Variants in MSRB3 observed in about 807,000 individuals in gnomAD.
The protein encoded by MSRB3 is methionine sulfoxide reductase B3.
Under a neutral mutation model 21.0 loss-of-function variants are expected in MSRB3, and 13 were observed. The observed-to-expected ratio is 0.62, with a 90% CI of 0.40 to 0.98. MSRB3 has a LOEUF of 0.98. Ranked by LOEUF, MSRB3 falls within the 50% of genes least tolerant of loss-of-function variation. The probability of loss-of-function intolerance (pLI) is 0.00; values close to 1 mark genes in which losing one functional copy is unlikely to be tolerated. For synonymous variants in MSRB3, 87 were observed against 88.6 expected (o/e 0.98, Z 0.10); for missense variants, 199 against 230.3 (o/e 0.86, Z 0.88).
intron 4 of MSRB3, among the ~76,000 whole-genome samples, chr12:65,366,875 T>C (rs1878043597): frequency 6.6e-6 from 1 of 152,004 alleles, no homozygotes; most frequent in Non-Finnish European, 1.5e-5. Context: ...ACTCCTGCGG[T>C]GATTTTGAGA....
In MSRB3 at chr12:65,410,518, C is replaced by T. The variant is rs528852860; in HGVS notation, c.292+41492C>T. Among the ~76,000 whole-genome samples, 7 of 152,104 alleles carry T rather than the reference C, an allele frequency of 4.6e-5. No individual in the cohort carries two copies. In the South Asian group the frequency reaches 1.5e-3, roughly 32 times the overall value. On this transcript the variant is annotated intron_variant, in intron 5 of 6. Transcript: ENST00000308259. ...AATTAGCTGAGTGTCGTGGCATGCACCTATAGTCACAGCTACTTGGGGGGC... is the reference window on the plus strand; with the variant it reads ...AATTAGCTGAGTGTCGTGGCATGCATCTATAGTCACAGCTACTTGGGGGGC...
intron 5 of MSRB3, among the ~76,000 whole-genome samples, chr12:65,371,142 A>G (rs374876168): frequency 1.3e-4 from 20 of 152,250 alleles, no homozygotes; most frequent in African/African-American, 4.8e-4. Flanking sequence ...CCTGGCTAAC[A>G]TGGTGAAACC....
intron 5 of MSRB3, among the ~76,000 whole-genome samples, chr12:65,381,644 G>T (rs1452292075): frequency 6.6e-6 from 1 of 151,666 alleles, no homozygotes; most frequent in Non-Finnish European, 1.5e-5. Flanking sequence ...ATTTTTCTTC[G>T]AGTCTTTTGT....
At chr12:65,433,848 C>T (rs1881996717) in intron 5 of MSRB3, among the ~76,000 whole-genome samples, 1 of 151,900 alleles carries the variant, frequency 6.6e-6, no homozygotes, top group South Asian at 2.1e-4. Context: ...AAGAGACGAC[C>T]CATTCCACTT....
At chr12:65,358,855 T>C (rs182326555) in intron 4 of MSRB3, among the ~76,000 whole-genome samples, 14 of 152,112 alleles carry the variant, frequency 9.2e-5, no homozygotes, top group Non-Finnish European at 5.9e-5. Context: ...CAATGGTGTT[T>C]AAAGTTGTGG....
At chr12:65,396,705 AAAGAAAGAAAGAAAG>A (rs1879821811) in intron 5 of MSRB3, among the ~76,000 whole-genome samples, 1 of 12,188 alleles carries the variant, frequency 8.2e-5, no homozygotes, top group Non-Finnish European at 2.0e-4. Flanking sequence ...AAAAAAAAAA[AAAGAAAGAAAGAAAG>A]AAAGAAAGAA....
rs759083016 is a variant in MSRB3 at position 65,328,576 on chromosome 12, G to A, written c.236G>A (p.Cys79Tyr). 7 of 1,612,350 alleles carry A rather than the reference G, an allele frequency of 4.3e-6. No individual in the cohort carries two copies. The East Asian group carries it at 1.1e-4, about 26-fold the overall frequency. Residue 79 changes from cysteine to tyrosine, a missense_variant, in exon 4 of 7, where the codon TGT becomes TAT. Cys to Tyr is a radical substitution (Grantham distance 194, BLOSUM62 -2). Coordinates refer to ENST00000308259, the MANE Select transcript of MSRB3 (RefSeq NM_001031679.3). ...THHKDPGIYK[C>Y]VVCGTPLFKS... ...CACAAAGATCCTGGAATATATAAAT[G>A]TGTTGTTTGTGGAACTCCATTGTTT... is the stretch of plus-strand genomic sequence containing the variant.
At chr12:65,312,473 A>T (rs902491187) in intron 2 of MSRB3, among the ~76,000 whole-genome samples, 5 of 152,098 alleles carry the variant, frequency 3.3e-5, no homozygotes, top group Admixed American at 6.5e-5. Context: ...ATATCATGAT[A>T]GCTTTCAGCC....
chr12:65,419,093 T>C (rs1881136532), intron 5 of MSRB3: 2 of 693,082 alleles, frequency 2.9e-6, no homozygotes, highest in Non-Finnish European at 5.3e-6. Flanking sequence ...TCCAGGTCAG[T>C]CTCCGAGGAC....
At position 65,419,197 on chromosome 12, in the gene MSRB3, A is replaced by T; in HGVS notation, c.293-34531A>T. On this transcript the variant is annotated intron_variant, in intron 5 of 6. Coordinates refer to ENST00000308259, the MANE Select transcript of MSRB3 (RefSeq NM_001031679.3). ...GGTGACCACTGTGGTACTCTCCTTA[A>T]TCTGCTGAGACCAGTATTTGTCCAG... The T allele has an allele frequency of 8.5e-6, 6 of 706,330 alleles. No individual in the cohort carries two copies. The South Asian group carries it at 9.0e-5, about 11-fold the overall frequency. 43.8% of individuals were successfully genotyped at this position (706,330 alleles called of 1,614,324 possible). A position where few individuals can be genotyped will look rare whatever the true frequency, so the allele number is the denominator to read the frequency against.
Position 65,341,823 on chromosome 12 carries a change from G to A in MSRB3, c.263+13220G>A, listed in dbSNP as rs146574720. On this transcript the variant is annotated intron_variant, in intron 4 of 6. Coordinates refer to ENST00000308259, the MANE Select transcript of MSRB3 (RefSeq NM_001031679.3). The stretch of plus-strand genomic sequence containing the variant: ...AGGTTTATTTCAGGGATGTACAAAT[G>A]GTTCAATACTGGGACATCTTAGGAA... Among the ~76,000 whole-genome samples, 12 of 151,956 alleles carry A rather than the reference G, an allele frequency of 7.9e-5. No individual in the cohort carries two copies. In the East Asian group the frequency reaches 2.3e-3, roughly 29 times the overall value.
At chr12:65,375,953 A>G (rs1261547653) in intron 5 of MSRB3, among the ~76,000 whole-genome samples, 1 of 150,214 alleles carries the variant, frequency 6.7e-6, no homozygotes, top group Admixed American at 6.6e-5. Context: ...CCTCCCATGT[A>G]TTTAATTTTT....
intron 5 of MSRB3, among the ~76,000 whole-genome samples, chr12:65,431,706 TG>T (rs1399937681): frequency 6.6e-6 from 1 of 152,084 alleles, no homozygotes; most frequent in Non-Finnish European, 1.5e-5. Flanking sequence ...TGATACTTTT[TG>T]ACATGCGAGT....
chr12:65,298,075 C>T (rs1239132945), intron 1 of MSRB3, among the ~76,000 whole-genome samples: 1 of 151,970 alleles, frequency 6.6e-6, no homozygotes, highest in African/African-American at 2.4e-5. Context: ...CTGATCTTGG[C>T]TCACTGCAGC....
intron 1 of MSRB3, among the ~76,000 whole-genome samples, chr12:65,287,256 A>G (rs1235160887): frequency 6.7e-6 from 1 of 150,176 alleles, no homozygotes; most frequent in Non-Finnish European, 1.5e-5. Flanking sequence ...CTGAGTAGCT[A>G]GGACTACAGG....
At chr12:65,418,244 A>C (rs1313000477) in intron 5 of MSRB3, among the ~76,000 whole-genome samples, 1 of 152,214 alleles carries the variant, frequency 6.6e-6, no homozygotes, top group Non-Finnish European at 1.5e-5. Flanking sequence ...AGGTGGGATT[A>C]CAGGAGCAAG....
rs754051748 is a variant in MSRB3 at position 65,278,748 on chromosome 12, C to G, written c.-169C>G. ...GGAGGGAGCGAGGTTCGGACACCGG[C>G]GGCGGCTGCCTGGCCTTTCCATGAG... On this transcript the variant is annotated 5_prime_UTR_variant, in exon 1 of 7. Coordinates refer to ENST00000308259, the MANE Select transcript of MSRB3 (RefSeq NM_001031679.3). 7 of 1,570,934 alleles carry G rather than the reference C, an allele frequency of 4.5e-6. No individual in the cohort carries two copies. Among genetic ancestry groups the G allele is most frequent in the South Asian group, 1.2e-5 (1 of 85,920 alleles).
At position 65,308,572 on chromosome 12, in the gene MSRB3, TCA is replaced by T. The variant is rs1204376727; in HGVS notation, c.-5_-4del. On this transcript the variant is annotated 5_prime_UTR_variant, in exon 2 of 7. Transcript: ENST00000308259. ...GCTTCTCGTTTTGTTGGTGAAGATATCACAGTGATGTCTGCATTCAACCTGCT... is the reference window on the plus strand; with the variant it reads ...GCTTCTCGTTTTGTTGGTGAAGATATCAGTGATGTCTGCATTCAACCTGCT... 1.2e-6 allele frequency: 2 copies of T among 1,613,814 alleles called. No individual in the cohort carries two copies. Among genetic ancestry groups the T allele is most frequent in the Non-Finnish European group, 1.7e-6 (2 of 1,179,862 alleles).
intron 5 of MSRB3, among the ~76,000 whole-genome samples, chr12:65,375,978 G>A (rs559740876): frequency 2.7e-5 from 4 of 149,684 alleles, no homozygotes; most frequent in Admixed American, 2.7e-4. Flanking sequence ...CTTTTTTGTT[G>A]GAAAACTACA....
Sources: gnomAD v4.1 joint callset for allele counts (sites outside exome capture counted in the v4.1 genomes callset) on GRCh38, gnomAD v4.1.1 for gene constraint, MANE v1.5 for transcripts, NCBI Gene and HGNC (gene_info 2026-07-23, HGNC 2026-07-21) for gene names.